Variants in PRKCH observed in about 807,000 individuals in gnomAD.
PRKCH encodes the protein protein kinase C eta type.
In PRKCH, 28 loss-of-function variants were observed where a neutral mutation model predicts 82.5. The observed-to-expected ratio is 0.34, with a 90% CI of 0.25 to 0.47. PRKCH has a LOEUF of 0.47. Ranked by LOEUF, PRKCH falls within the 20% of genes least tolerant of loss-of-function variation. The pLI is 1.00. For synonymous variants in PRKCH, 322 were observed against 327.4 expected (o/e 0.98, Z 0.18); for missense variants, 705 against 881.8 (o/e 0.80, Z 2.54).
intron 9 of PRKCH, among the ~76,000 whole-genome samples, chr14:61,477,899 T>C (rs10131425): frequency 0.32 from 48,340 of 152,052 alleles, 9,319 homozygotes; most frequent in African/African-American, 0.54. Flanking sequence ...AGTTGCTGTT[T>C]CGGCTGCTGT....
chr14:61,326,746 G>A (rs936506705), intron 1 of PRKCH, among the ~76,000 whole-genome samples: 15 of 152,184 alleles, frequency 9.9e-5, no homozygotes, highest in African/African-American at 3.4e-4. Flanking sequence ...ATATTTATGA[G>A]AATGGGAGCG....
At chr14:61,456,982 C>T in intron 7 of PRKCH, 194 bp from the exon 8 acceptor site, 1 of 578,196 alleles carries the variant, frequency 1.7e-6, no homozygotes, top group Non-Finnish European at 3.0e-6. Flanking sequence ...TTACACAAAG[C>T]AGTAAGCACA....
intron 1 of PRKCH, among the ~76,000 whole-genome samples, chr14:61,270,837 G>A (rs537136422): frequency 6.4e-4 from 98 of 152,304 alleles, no homozygotes; most frequent in Non-Finnish European, 1.1e-3. Context: ...AGCTGGGTGT[G>A]ATGGCATGTG....
intron 7 of PRKCH, among the ~76,000 whole-genome samples, chr14:61,455,567 G>A (rs1358413196): frequency 6.6e-6 from 1 of 152,214 alleles, no homozygotes; most frequent in Non-Finnish European, 1.5e-5. Flanking sequence ...GATTGCTAAT[G>A]CATGGGACAG....
chr14:61,432,712 C>T (rs1478296688), intron 2 of PRKCH, among the ~76,000 whole-genome samples: 2 of 152,104 alleles, frequency 1.3e-5, no homozygotes, highest in African/African-American at 4.8e-5. Flanking sequence ...CAGCCTTTTC[C>T]ATTTCCAGAA....
chr14:61,233,753 G>C (rs1268005475), intron 1 of PRKCH, among the ~76,000 whole-genome samples: 1 of 152,152 alleles, frequency 6.6e-6, no homozygotes, highest in Admixed American at 6.5e-5. Flanking sequence ...CCTTGCTGCT[G>C]TCATGCCATG....
rs375439945 is a variant in PRKCH, at chr14:61,436,828, G to A, written c.428-6283G>A. The stretch of plus-strand genomic sequence containing the variant: ...ATTACAGGCATGAGCCGCCACACCC[G>A]GCCTTGCTGCCATTTTTAAATACCA... On this transcript the variant is annotated intron_variant, in intron 2 of 13. Coordinates refer to ENST00000332981, the MANE Select transcript of PRKCH (RefSeq NM_006255.5). 3.8e-3 allele frequency among the ~76,000 whole-genome samples: 577 copies of A among 152,344 alleles called. 21 individuals carry two copies. In the South Asian group the frequency reaches 0.088, roughly 23 times the overall value.
At chr14:61,384,933 A>G (rs1381237689) in intron 1 of PRKCH, among the ~76,000 whole-genome samples, 2 of 152,024 alleles carry the variant, frequency 1.3e-5, no homozygotes, top group Non-Finnish European at 2.9e-5. Context: ...GAAATTCATT[A>G]TTTTGGGTAT....
intron 1 of PRKCH, among the ~76,000 whole-genome samples, chr14:61,340,485 G>A (rs535266196): frequency 7.9e-5 from 12 of 152,248 alleles, no homozygotes; most frequent in African/African-American, 2.9e-4. Flanking sequence ...TTGCCCATAT[G>A]CCAAGGACTT....
intron 1 of PRKCH, among the ~76,000 whole-genome samples, chr14:61,214,899 T>A (rs1220186969): frequency 6.6e-6 from 1 of 152,168 alleles, no homozygotes; most frequent in Non-Finnish European, 1.5e-5. Context: ...TCAGAAGGTG[T>A]TTTCAGATGT....
chr14:61,439,955 C>T (rs1263023033), intron 2 of PRKCH, among the ~76,000 whole-genome samples: 1 of 152,190 alleles, frequency 6.6e-6, no homozygotes, highest in Non-Finnish European at 1.5e-5. Flanking sequence ...GTGGGCTGGT[C>T]TTTTAACCAA....
chr14:61,377,363 C>T (rs1320143662), intron 1 of PRKCH, among the ~76,000 whole-genome samples: 1 of 152,144 alleles, frequency 6.6e-6, no homozygotes, highest in African/African-American at 2.4e-5. Flanking sequence ...AAATGATAAC[C>T]CCAGCCGTAT....
chr14:61,526,865 T>TC (rs34710140), intron 10 of PRKCH, among the ~76,000 whole-genome samples: 62 of 152,220 alleles, frequency 4.1e-4, no homozygotes, highest in East Asian at 1.2e-3. Context: ...CCACCTAGCA[T>TC]CCCCCCCGTG....
intron 1 of PRKCH, among the ~76,000 whole-genome samples, chr14:61,247,266 C>CT (rs1016601088): frequency 1.5e-3 from 222 of 146,266 alleles, no homozygotes; most frequent in Middle Eastern, 3.6e-3. Context: ...GGACATTAGA[C>CT]TTTTTTTTTT....
At chr14:61,300,307 A>G (rs1269206457) in intron 1 of PRKCH, among the ~76,000 whole-genome samples, 1 of 152,220 alleles carries the variant, frequency 6.6e-6, no homozygotes, top group African/African-American at 2.4e-5. Context: ...AAATGTTTAA[A>G]TCATCTTCTC....
intron 1 of PRKCH, among the ~76,000 whole-genome samples, chr14:61,364,413 T>G (rs745759482): frequency 6.6e-6 from 1 of 151,944 alleles, no homozygotes; most frequent in Non-Finnish European, 1.5e-5. Context: ...CCCAAGTGTG[T>G]GTGGCTCCCC....
intron 10 of PRKCH, among the ~76,000 whole-genome samples, chr14:61,518,426 T>C (rs922019415): frequency 1.4e-5 from 2 of 144,112 alleles, no homozygotes; most frequent in African/African-American, 2.7e-5. Flanking sequence ...TGATAGGGGA[T>C]GTGGAATGCA....
At chr14:61,363,911 A>T (rs1398199571) in intron 1 of PRKCH, among the ~76,000 whole-genome samples, 3 of 150,460 alleles carry the variant, frequency 2.0e-5, no homozygotes, top group African/African-American at 4.9e-5. Flanking sequence ...TTTAATAAAA[A>T]TTTTTTACAT....
At chr14:61,445,566 CT>C in intron 3 of PRKCH, 125 bp from the exon 4 acceptor site, 1 of 856,694 alleles carries the variant, frequency 1.2e-6, no homozygotes, top group East Asian at 2.4e-5. Context: ...AGCACATGAT[CT>C]TTGCTTCTTC....
Sources: gnomAD v4.1 joint callset for allele counts (sites outside exome capture counted in the v4.1 genomes callset) on GRCh38, gnomAD v4.1.1 for gene constraint, MANE v1.5 for transcripts, NCBI Gene and HGNC (gene_info 2026-07-23, HGNC 2026-07-21) for gene names.